CDC20B: variants seen among roughly 807,000 people sequenced by gnomAD.
CDC20B encodes the protein cell division cycle protein 20 homolog B.
A neutral mutation model predicts 64.1 loss-of-function variants in CDC20B; 58 were observed. The ratio of observed to expected loss-of-function variants is 0.90; its 90% confidence interval spans 0.73 to 1.13. The LOEUF is 1.13. Ranked by LOEUF, CDC20B falls within the 50% of genes most tolerant of loss-of-function variation. The pLI, the probability that CDC20B is intolerant of heterozygous loss-of-function variation, is 0.00. For synonymous variants in CDC20B, 243 were observed against 230.6 expected (o/e 1.05, Z -0.49); for missense variants, 597 against 633.0 (o/e 0.94, Z 0.61).
At position 55,161,222 on chromosome 5, in the gene CDC20B, T is replaced by A. The variant is rs771059473; in HGVS notation, c.126+11366A>T. ...CTTCCACAAGATTAAGATTCTAGGA[T>A]CTGAAGGAGAACCTGCATTTAGATT... On this transcript the variant is annotated intron_variant, in intron 2 of 11. Transcript: ENST00000381375. 5.0e-6 allele frequency: 8 copies of A among 1,614,110 alleles called. No individual in the cohort carries two copies. In the South Asian group the frequency reaches 7.7e-5, roughly 16 times the overall value.
At position 55,127,352 on chromosome 5, in the gene CDC20B, C is replaced by A; in HGVS notation, c.895-1G>T. On this transcript the variant is annotated splice_acceptor_variant, in intron 7 of 11. Transcript: ENST00000381375. LOFTEE classifies it high-confidence loss of function. ...GCTTTTTAGTTACCACATCCCATAA[C>A]TGAAAAAATGAACAAGGAGAGTTAT... is the stretch of plus-strand genomic sequence containing the variant. 1 of 1,613,318 alleles carries A rather than the reference C, an allele frequency of 6.2e-7. No individual in the cohort carries two copies.
chr5:55,141,375 T>C (rs1239825546), intron 4 of CDC20B, among the ~76,000 whole-genome samples: 1 of 152,228 alleles, frequency 6.6e-6, no homozygotes, highest in East Asian at 1.9e-4. Context: ...TGGCTTTCTC[T>C]TTCTCCAGGT....
In CDC20B at chr5:55,173,085, C is replaced by A; in HGVS notation, c.-85G>T. ...CTTCCCAGGTCTAAGTCAGTCTTGA[C>A]GCCTAATCGTCAAACCCCTGGAGTC... On this transcript the variant is annotated 5_prime_UTR_variant, in exon 1 of 12. Coordinates refer to ENST00000381375, the MANE Select transcript of CDC20B (RefSeq NM_001170402.1). 2.4e-6 allele frequency: 3 copies of A among 1,257,330 alleles called. No individual in the cohort carries two copies. The highest frequency in any genetic ancestry group is 3.4e-6 in the Non-Finnish European group (3 of 881,712). The allele number at this position is 1,257,330 out of a possible 1,614,324, so 77.9% of individuals were successfully genotyped here.
At chr5:55,146,975 G>A in intron 2 of CDC20B, 119 bp from the exon 3 acceptor site, 1 of 450,208 alleles carries the variant, frequency 2.2e-6, no homozygotes, top group Admixed American at 4.2e-5. Context: ...TATATATAAT[G>A]AGATTTTTTT....
intron 4 of CDC20B, among the ~76,000 whole-genome samples, chr5:55,141,368 C>A (rs1743324223): frequency 6.6e-6 from 1 of 152,200 alleles, no homozygotes; most frequent in South Asian, 2.1e-4. Context: ...ACAGCTCTGG[C>A]TTTCTCTTTC....
chr5:55,160,881 C>A, intron 2 of CDC20B: 2 of 1,115,940 alleles, frequency 1.8e-6, no homozygotes, highest in South Asian at 3.4e-5. Flanking sequence ...ATGAAAAAAA[C>A]ATCAATCAGA....
intron 11 of CDC20B, among the ~76,000 whole-genome samples, chr5:55,116,157 CT>C (rs963332863): frequency 2.1e-4 from 32 of 152,076 alleles, no homozygotes; most frequent in Middle Eastern, 3.4e-3. Context: ...GAAAGAATCT[CT>C]TTTTTTTATG....
intron 6 of CDC20B, 43 bp from the exon 7 acceptor site, chr5:55,128,660 A>G (rs1331230562): frequency 7.2e-7 from 1 of 1,381,132 alleles, no homozygotes; most frequent in Non-Finnish European, 9.6e-7. Context: ...ATACAGCCAC[A>G]TGAAAACATG....
At chr5:55,127,621 G>A (rs1414569040) in intron 7 of CDC20B, among the ~76,000 whole-genome samples, 1 of 152,168 alleles carries the variant, frequency 6.6e-6, no homozygotes, top group Non-Finnish European at 1.5e-5. Flanking sequence ...TCAATGTGCA[G>A]CCAAGGGTTG....
chr5:55,146,729 A>C lies in CDC20B; in HGVS notation c.254T>G (p.Leu85Arg). ...CTCTTCCCCAAAGGAATCAGAGGAC[A>C]GAGCCCTAGTTTGACTTTGCTGCCA... ...TRWQQSQTRA[L>R]SSDSFGEEQS... Residue 85 changes from leucine to arginine, a missense_variant, in exon 3 of 12, where the codon CTG becomes CGG. By Grantham distance (102) the Leu-to-Arg change is moderately radical. Coordinates refer to ENST00000381375, the MANE Select transcript of CDC20B (RefSeq NM_001170402.1). 1 of 1,614,222 alleles carries C rather than the reference A, an allele frequency of 6.2e-7. No individual in the cohort carries two copies. The highest frequency in any genetic ancestry group is 8.5e-7 in the Non-Finnish European group (1 of 1,180,048).
intron 3 of CDC20B, 64 bp from the exon 4 acceptor site, chr5:55,143,707 G>A: frequency 6.8e-7 from 1 of 1,468,360 alleles, no homozygotes; most frequent in Non-Finnish European, 9.2e-7. Context: ...TTGATTGTAG[G>A]TCTGGCTGTG....
At chr5:55,164,524 G>T in intron 2 of CDC20B, 1 of 176,622 alleles carries the variant, frequency 5.7e-6, no homozygotes, top group Non-Finnish European at 1.2e-5. Flanking sequence ...TACTTCCTCT[G>T]ACCATACTAA....
chr5:55,118,437 T>C (rs1742673464), intron 11 of CDC20B, among the ~76,000 whole-genome samples: 2 of 152,196 alleles, frequency 1.3e-5, no homozygotes, highest in African/African-American at 2.4e-5. Context: ...AAAGTACTTA[T>C]AGCTTGTGAG....
intron 3 of CDC20B, among the ~76,000 whole-genome samples, chr5:55,144,557 A>AT (rs1743420072): frequency 6.6e-6 from 1 of 152,198 alleles, no homozygotes. Flanking sequence ...AAATTTAAGC[A>AT]ATATATATTA....
chr5:55,157,992 G>T (rs950291700), intron 2 of CDC20B, among the ~76,000 whole-genome samples: 2 of 152,100 alleles, frequency 1.3e-5, no homozygotes, highest in Admixed American at 1.3e-4. Flanking sequence ...AAAATATCTC[G>T]TGTATTCATA....
At chr5:55,160,279 A>G (rs1743970529) in intron 2 of CDC20B, 1 of 1,613,752 alleles carries the variant, frequency 6.2e-7, no homozygotes, top group African/African-American at 1.3e-5. Context: ...TTCTATGCAC[A>G]GTAACGCTAT....
chr5:55,167,635 G>C (rs996302292), intron 2 of CDC20B, among the ~76,000 whole-genome samples: 3 of 151,846 alleles, frequency 2.0e-5, no homozygotes, highest in African/African-American at 7.3e-5. Context: ...TGAGGTGGGA[G>C]GATCACTTGA....
chr5:55,132,021 T>C (rs971383478), intron 6 of CDC20B, among the ~76,000 whole-genome samples: 3 of 151,482 alleles, frequency 2.0e-5, no homozygotes, highest in Admixed American at 2.0e-4. Flanking sequence ...AGTGAGCCAC[T>C]GCACTCCAGC....
chr5:55,163,983 G>C (rs1384605380), intron 2 of CDC20B: 3 of 1,133,482 alleles, frequency 2.6e-6, no homozygotes, highest in Non-Finnish European at 3.7e-6. Flanking sequence ...CATTTATGCA[G>C]ATACTAATAG....
Sources: allele counts gnomAD v4.1 joint callset (sites outside exome capture counted in the v4.1 genomes callset), GRCh38; gene constraint gnomAD v4.1.1; transcripts MANE v1.5; gene names NCBI Gene and HGNC (gene_info 2026-07-23, HGNC 2026-07-21).